The following KCNIP4 variants were observed in gnomAD, a reference collection of about 807,000 sequenced individuals.
The protein encoded by KCNIP4 is potassium voltage-gated channel interacting protein 4.
KCNIP4 carries 12 observed loss-of-function variants against 34.0 expected under a neutral mutation model. The observed-to-expected ratio is 0.35, with a 90% CI of 0.23 to 0.57. The LOEUF (loss-of-function observed/expected upper bound fraction) is 0.57. KCNIP4 is among the 20% of genes least tolerant of loss of function. The probability of loss-of-function intolerance (pLI) is 0.83; values close to 1 mark genes in which losing one functional copy is unlikely to be tolerated. For missense variants in KCNIP4, 238 were observed against 311.7 expected (o/e 0.76, Z 1.78); for synonymous variants, 124 against 102.2 (o/e 1.21, Z -1.29).
chr4:21,598,008 G>T (rs137860271), intron 1 of KCNIP4, among the ~76,000 whole-genome samples: 1 of 152,216 alleles, frequency 6.6e-6, no homozygotes, highest in Non-Finnish European at 1.5e-5. Context: ...TCAGTTGGGA[G>T]GGTAAATTAT....
chr4:20,959,744 A>T (rs1733669554), intron 1 of KCNIP4, among the ~76,000 whole-genome samples: 1 of 152,148 alleles, frequency 6.6e-6, no homozygotes, highest in Non-Finnish European at 1.5e-5. Context: ...CAGAAACCTT[A>T]TCTTTAACGG....
intron 1 of KCNIP4, among the ~76,000 whole-genome samples, chr4:21,082,911 C>CTATCTATA (rs1240692968): frequency 2.7e-5 from 4 of 149,664 alleles, no homozygotes; most frequent in African/African-American, 9.9e-5. Flanking sequence ...ATCTATCTAT[C>CTATCTATA]TAAAATTTAT....
intron 1 of KCNIP4, among the ~76,000 whole-genome samples, chr4:21,776,699 G>T (rs1453064756): frequency 6.6e-6 from 1 of 152,128 alleles, no homozygotes; most frequent in Non-Finnish European, 1.5e-5. Context: ...AGGTAGAGGT[G>T]ATTGGATCAT....
intron 1 of KCNIP4, among the ~76,000 whole-genome samples, chr4:20,987,360 CT>C (rs781731337): frequency 6.6e-6 from 1 of 152,152 alleles, no homozygotes; most frequent in Non-Finnish European, 1.5e-5. Context: ...TGACTCACCC[CT>C]TTCTTTACAT....
chr4:21,728,115 A>G (rs1460153831), intron 1 of KCNIP4, among the ~76,000 whole-genome samples: 1 of 152,050 alleles, frequency 6.6e-6, no homozygotes, highest in East Asian at 1.9e-4. Context: ...CCATCTCAGT[A>G]AACAATGACA....
intron 1 of KCNIP4, among the ~76,000 whole-genome samples, chr4:21,082,644 A>C (rs1746097778): frequency 6.6e-6 from 1 of 151,786 alleles, no homozygotes; most frequent in African/African-American, 2.4e-5. Flanking sequence ...ACAGGGAAAA[A>C]AAAAACTTGT....
intron 1 of KCNIP4, among the ~76,000 whole-genome samples, chr4:21,113,030 T>A (rs956385131): frequency 6.6e-6 from 1 of 152,186 alleles, no homozygotes; most frequent in Non-Finnish European, 1.5e-5. Flanking sequence ...CTATACACAA[T>A]GTCAATACTT....
intron 3 of KCNIP4, among the ~76,000 whole-genome samples, chr4:20,763,483 G>T (rs1755114770): frequency 6.6e-6 from 1 of 152,082 alleles, no homozygotes; most frequent in Admixed American, 6.6e-5. Flanking sequence ...AGAGTACATG[G>T]AAACTTTTTA....
intron 1 of KCNIP4, among the ~76,000 whole-genome samples, chr4:21,778,484 C>T (rs1719347434): frequency 6.6e-6 from 1 of 151,934 alleles, no homozygotes; most frequent in African/African-American, 2.4e-5. Flanking sequence ...CCACCTCGGC[C>T]TCCCAAAGTG....
intron 1 of KCNIP4, among the ~76,000 whole-genome samples, chr4:21,508,234 T>G (rs1560469808): frequency 6.6e-6 from 1 of 151,748 alleles, no homozygotes; most frequent in African/African-American, 2.4e-5. Flanking sequence ...CAGAAATGGT[T>G]TTCAAGGGAA....
chr4:21,034,186 G>A (rs1233339275), intron 1 of KCNIP4, among the ~76,000 whole-genome samples: 1 of 152,160 alleles, frequency 6.6e-6, no homozygotes, highest in African/African-American at 2.4e-5. Context: ...TTAGGATTCA[G>A]TGCACACTTA....
chr4:21,478,457 A>G (rs1489550427), intron 1 of KCNIP4, among the ~76,000 whole-genome samples: 1 of 152,162 alleles, frequency 6.6e-6, no homozygotes, highest in Non-Finnish European at 1.5e-5. Context: ...TGGGGGAAAT[A>G]GCAAACAAAA....
At chr4:21,367,315 G>A (rs1351827153) in intron 1 of KCNIP4, among the ~76,000 whole-genome samples, 1 of 152,112 alleles carries the variant, frequency 6.6e-6, no homozygotes, top group Non-Finnish European at 1.5e-5. Context: ...TACATAACCT[G>A]TTTTCTTGTA....
chr4:21,853,145 T>C (rs2109339002), intron 1 of KCNIP4: 1 of 152,274 alleles, frequency 6.6e-6, no homozygotes, highest in East Asian at 1.9e-4. Context: ...TGAGTCTTGA[T>C]TGCCTAATTT....
chr4:21,475,352 T>C (rs1049848102), intron 1 of KCNIP4, among the ~76,000 whole-genome samples: 1 of 152,144 alleles, frequency 6.6e-6, no homozygotes, highest in African/African-American at 2.4e-5. Flanking sequence ...AGAGAAGATG[T>C]GACAGAAGTG....
intron 3 of KCNIP4, among the ~76,000 whole-genome samples, chr4:20,844,723 T>C (rs1417628610): frequency 6.6e-6 from 1 of 152,180 alleles, no homozygotes; most frequent in African/African-American, 2.4e-5. Context: ...GTAAATGTAC[T>C]TTGCAAAAAT....
At chr4:21,035,449 G>A (rs1267248562) in intron 1 of KCNIP4, among the ~76,000 whole-genome samples, 1 of 152,182 alleles carries the variant, frequency 6.6e-6, no homozygotes, top group Non-Finnish European at 1.5e-5. Flanking sequence ...GTGTGGCTCT[G>A]AGATTTACAG....
intron 3 of KCNIP4, among the ~76,000 whole-genome samples, chr4:20,781,135 G>A (rs1756830920): frequency 6.6e-6 from 1 of 152,110 alleles, no homozygotes; most frequent in South Asian, 2.1e-4. Flanking sequence ...ACAATCAGAA[G>A]GATGTGAGCT....
At chr4:20,962,180 C>T (rs186415215) in intron 1 of KCNIP4, among the ~76,000 whole-genome samples, 1 of 152,278 alleles carries the variant, frequency 6.6e-6, no homozygotes, top group Non-Finnish European at 1.5e-5. Context: ...CAGAATTCTC[C>T]ACTGCTTCCA....
Sources: gnomAD v4.1 joint callset for allele counts (sites outside exome capture counted in the v4.1 genomes callset) on GRCh38, gnomAD v4.1.1 for gene constraint, MANE v1.5 for transcripts, NCBI Gene and HGNC (gene_info 2026-07-23, HGNC 2026-07-21) for gene names.